The following GSTM2 variants were observed in gnomAD, a reference collection of about 807,000 sequenced individuals.
GSTM2 encodes glutathione S-transferase mu 2, also known as GST class-mu 2.
A neutral mutation model predicts 33.3 loss-of-function variants in GSTM2; 33 were observed. The observed-to-expected ratio is 0.99, with a 90% CI of 0.75 to 1.33. GSTM2 has a LOEUF of 1.33. GSTM2 is among the 40% of genes most tolerant of loss of function. The pLI is 0.00. For missense variants in GSTM2, 213 were observed against 265.8 expected, an observed-to-expected ratio of 0.80 and a Z score of 1.38; for synonymous variants, 93 against 95.6, an observed-to-expected ratio of 0.97 and a Z score of 0.16.
downstream of GSTM2, among the ~76,000 whole-genome samples, chr1:109,678,329 G>GT (rs1647756312): frequency 1.3e-5 from 2 of 151,982 alleles, no homozygotes; most frequent in Non-Finnish European, 2.9e-5. Flanking sequence ...TAGAGATGAG[G>GT]TTTTGCCATG....
chr1:109,677,341 G>A (rs71663080), downstream of GSTM2, among the ~76,000 whole-genome samples: 1 of 152,172 alleles, frequency 6.6e-6, no homozygotes, highest in Non-Finnish European at 1.5e-5. Context: ...AGAACCAGGT[G>A]TAGTGATGCC....
intron 7 of GSTM2, chr1:109,673,480 C>T: frequency 3.8e-6 from 2 of 527,220 alleles, no homozygotes; most frequent in Non-Finnish European, 6.8e-6. Flanking sequence ...TTCCACTCCC[C>T]ATCAAGAGAT....
intron 5 of GSTM2, 160 bp downstream of exon 5, chr1:109,669,731 T>TA (rs1647463698): frequency 1.7e-6 from 1 of 600,906 alleles, no homozygotes; most frequent in African/African-American, 1.9e-5. Context: ...TTACAGTTCT[T>TA]AAAGATGGTG....
chr1:109,674,644 A>G, intron 7 of GSTM2, 103 bp from the exon 8 acceptor site: 2 of 1,453,002 alleles, frequency 1.4e-6, no homozygotes, highest in Non-Finnish European at 1.9e-6. Context: ...CCCACATGGA[A>G]AGGCTGTGGC....
At chr1:109,674,620 C>G in intron 7 of GSTM2, 127 bp from the exon 8 acceptor site, 1 of 1,036,284 alleles carries the variant, frequency 9.6e-7, no homozygotes, top group South Asian at 1.4e-5. Flanking sequence ...CTGTGTGATG[C>G]CTCAGCACTT....
At chr1:109,678,146 T>A (rs1647750844), downstream of GSTM2, among the ~76,000 whole-genome samples, 1 of 152,130 alleles carries the variant, frequency 6.6e-6, no homozygotes, top group Non-Finnish European at 1.5e-5. Flanking sequence ...CTCTTTAACA[T>A]TTTACTTCTT....
At chr1:109,671,720 C>G (rs919354483) in intron 7 of GSTM2, 137 bp downstream of exon 7, 7 of 703,650 alleles carry the variant, frequency 9.9e-6, no homozygotes, top group African/African-American at 7.0e-5. Context: ...GTAATCTCAG[C>G]GCTTTGGAGG....
intron 7 of GSTM2, 56 bp from the exon 8 acceptor site, chr1:109,674,691 G>T (rs181828097): frequency 1.9e-6 from 3 of 1,611,520 alleles, no homozygotes; most frequent in Non-Finnish European, 2.5e-6. Flanking sequence ...GTGGGGTTGT[G>T]CCAGCCCTCA....
intron 1 of GSTM2, 129 bp downstream of exon 1, chr1:109,668,280 C>T: frequency 1.5e-6 from 2 of 1,293,968 alleles, no homozygotes; most frequent in Admixed American, 1.7e-5. Flanking sequence ...CTGTGCTTGC[C>T]GCTGTCTGTG....
chr1:109,676,710 G>T (rs1189387302), downstream of GSTM2, among the ~76,000 whole-genome samples: 3 of 152,082 alleles, frequency 2.0e-5, no homozygotes, highest in African/African-American at 7.2e-5. Context: ...AATTCCAAAG[G>T]CTGTGTGGGG....
At chr1:109,669,886 G>T (rs1479190715) in intron 5 of GSTM2, 2 of 307,274 alleles carry the variant, frequency 6.5e-6, no homozygotes, top group Admixed American at 9.1e-5. Context: ...GTCTGGAGTT[G>T]TTTATTCCTC....
Position 109,671,679 on chromosome 1 carries a change from C to T in GSTM2, c.567+96C>T, listed in dbSNP as rs1211265539. 4 of 846,056 alleles carry T rather than the reference C, an allele frequency of 4.7e-6. No homozygotes were observed. The East Asian group carries it at 7.3e-5, about 15-fold the overall frequency. 52.4% of individuals were successfully genotyped at this position (846,056 alleles called of 1,614,324 possible). ...CTGGAGCTACACAAAGAATAACTCA[C>T]ATTTTTGGCCATGTGCGGTGGCTCA... is the stretch of plus-strand genomic sequence containing the variant. On this transcript the variant is annotated intron_variant, in intron 7 of 7. Transcript: ENST00000241337.
At chr1:109,670,098 G>GAGGCGA in intron 5 of GSTM2, 1 of 116,154 alleles carries the variant, frequency 8.6e-6, no homozygotes, top group Non-Finnish European at 1.8e-5. Context: ...CGGAGGTGGG[G>GAGGCGA]GGGGAAATCC....
rs745793026 is a variant in GSTM2 at position 109,669,356 on chromosome 1, C to G, written c.244C>G (p.Arg82Gly). Residue 82 changes from arginine (R) to glycine (G), a missense_variant, in exon 4 of 8, where the codon CGC becomes GGC. Transcript: ENST00000241337. ...QSNAILRYIA[R>G]KHNLCGESEK... Reference sequence around the variant, plus strand: ...CAACGCCATCCTGCGGTACATTGCCCGCAAGCACAACCTGTGTGAGTAGAT... The same window carrying G: ...CAACGCCATCCTGCGGTACATTGCCGGCAAGCACAACCTGTGTGAGTAGAT... 3.1e-6 allele frequency: 5 copies of G among 1,614,078 alleles called. No homozygotes were observed. The highest frequency in any genetic ancestry group is 4.2e-6 in the Non-Finnish European group (5 of 1,180,034).
downstream of GSTM2, among the ~76,000 whole-genome samples, chr1:109,676,770 A>C (rs113823325): frequency 8.5e-5 from 13 of 152,316 alleles, 1 homozygote; most frequent in African/African-American, 3.1e-4. Context: ...GAACATGCTA[A>C]GCATAGGCTT....
At position 109,681,794 on chromosome 1, in the gene GSTM2, T is replaced by C. The variant is rs376726678; in HGVS notation, c.567+10211T>C. On this transcript the variant is annotated intron_variant, in intron 7 of 7. Transcript: ENST00000369831. ...CCATTATAAGAAAAACACTATTTTC[T>C]TTTCTCTGAGGTAGCATTCCTGATG... 107 of 1,590,302 alleles carry C rather than the reference T, an allele frequency of 6.7e-5. 6 individuals are homozygous for C. The Middle Eastern group carries it at 1.0e-3, about 15-fold the overall frequency.
intron 7 of GSTM2, chr1:109,673,189 C>G: frequency 6.2e-7 from 1 of 1,611,116 alleles, no homozygotes; most frequent in Non-Finnish European, 8.5e-7. Context: ...CTTTTTTTCC[C>G]TCCAATGTTC....
chr1:109,671,143 T>A, intron 5 of GSTM2, 144 bp from the exon 6 acceptor site: 1 of 674,230 alleles, frequency 1.5e-6, no homozygotes. Flanking sequence ...TGTATCCAGC[T>A]GAAGCCTGGA....
At chr1:109,672,675 T>C (rs551353175) in intron 7 of GSTM2, among the ~76,000 whole-genome samples, 3 of 152,248 alleles carry the variant, frequency 2.0e-5, no homozygotes, top group South Asian at 2.1e-4. Context: ...CACAGTAGCA[T>C]TGATGTTCAA....
Sources: gnomAD v4.1 joint callset for allele counts (sites outside exome capture counted in the v4.1 genomes callset) on GRCh38, gnomAD v4.1.1 for gene constraint, MANE v1.5 for transcripts, NCBI Gene and HGNC (gene_info 2026-07-23, HGNC 2026-07-21) for gene names.